The following SAR1B variants were observed in gnomAD, a reference collection of about 807,000 sequenced individuals.
SAR1B encodes secretion associated Ras related GTPase 1B, also known as small COPII coat GTPase SAR1B.
A neutral mutation model predicts 26.8 loss-of-function variants in SAR1B; 23 were observed. The observed-to-expected ratio is 0.86, with a 90% CI of 0.62 to 1.22. SAR1B has a LOEUF of 1.22. Among genes scored for constraint, SAR1B ranks in the 50% most tolerant of loss-of-function variants. SAR1B has a pLI of 0.00. For synonymous variants in SAR1B, 65 were observed against 80.8 expected, an observed-to-expected ratio of 0.80 and a Z score of 1.05; for missense variants, 196 against 232.8, an observed-to-expected ratio of 0.84 and a Z score of 1.03.
chr5:134,608,643 T>A, intron 5 of SAR1B, 140 bp from the exon 6 acceptor site: 3 of 919,864 alleles, frequency 3.3e-6, no homozygotes, highest in Non-Finnish European at 5.0e-6. Flanking sequence ...TTTCCCCACA[T>A]TTTAAAGTGA....
At chr5:134,625,449 G>A (rs530546441) in intron 1 of SAR1B, among the ~76,000 whole-genome samples, 1 of 152,294 alleles carries the variant, frequency 6.6e-6, no homozygotes, top group African/African-American at 2.4e-5. Flanking sequence ...TTCAAGTTGA[G>A]TGGACAAAGG....
intron 1 of SAR1B, among the ~76,000 whole-genome samples, chr5:134,629,632 G>A (rs1765563143): frequency 1.3e-5 from 2 of 152,190 alleles, no homozygotes; most frequent in Middle Eastern, 3.4e-3. Context: ...GGGAGGCAGA[G>A]GTTGCAGTGA....
intron 2 of SAR1B, among the ~76,000 whole-genome samples, 197 bp downstream of exon 2, chr5:134,623,765 A>G (rs1427234399): frequency 6.6e-6 from 1 of 152,216 alleles, no homozygotes; most frequent in Admixed American, 6.6e-5. Flanking sequence ...GCTAAGGTGA[A>G]AAAAGTAATT....
In SAR1B at chr5:134,624,006, A is replaced by G; in HGVS notation, c.14T>C (p.Phe5Ser). Residue 5 changes from phenylalanine to serine, a missense_variant, in exon 2 of 7, where the codon TTT becomes TCT. Transcript: ENST00000402673. MSFIFDWIYSGFSSV... is the reference protein window; with the variant it reads MSFISDWIYSGFSSV... ...GCTGAAACCACTGTAAATCCAATCA[A>G]ATATGAAGGACATATCCAAATCTGA... 6.2e-7 allele frequency: 1 copy of G among 1,611,132 alleles called. No homozygotes were observed. The highest frequency in any genetic ancestry group is 8.5e-7 in the Non-Finnish European group (1 of 1,177,274).
intron 3 of SAR1B, chr5:134,613,395 C>T (rs1026914072): frequency 4.6e-5 from 7 of 152,204 alleles, no homozygotes; most frequent in African/African-American, 1.7e-4. Flanking sequence ...GCATTTCTAA[C>T]AATAGCTTAT....
At position 134,628,328 on chromosome 5, in the gene SAR1B, T is replaced by TAA. The variant is rs61707884; in HGVS notation, c.-18-4293_-18-4292dup. 3.0e-3 allele frequency among the ~76,000 whole-genome samples: 422 copies of TAA among 140,094 alleles called. 15 individuals carry two copies. In the East Asian group the frequency reaches 0.072, roughly 24 times the overall value. 91.9% of individuals were successfully genotyped at this position (140,094 alleles called of 152,430 possible). A position where few individuals can be genotyped will look rare whatever the true frequency, so the allele number is the denominator to read the frequency against. ...TACACATTAGTTCTCAGGGGTCCTG[T>TAA]AAAAAAAAAAAATACACATAAGATG... On this transcript the variant is annotated intron_variant, in intron 1 of 6. Coordinates refer to ENST00000402673, the MANE Select transcript of SAR1B (RefSeq NM_016103.4).
At chr5:134,612,516 A>ATGCC (rs1277943529) in intron 4 of SAR1B, among the ~76,000 whole-genome samples, 175 bp downstream of exon 4, 2 of 151,792 alleles carry the variant, frequency 1.3e-5, no homozygotes, top group African/African-American at 4.8e-5. Context: ...GCGGTGGCAC[A>ATGCC]TGCCTGTAAT....
In SAR1B at chr5:134,609,483, G is replaced by A; in HGVS notation, c.348+88C>T. On this transcript the variant is annotated intron_variant, in intron 5 of 6. Coordinates refer to ENST00000402673, the MANE Select transcript of SAR1B (RefSeq NM_016103.4). ...GAGTTTCATCAGAGACTGCAGAAAA[G>A]CTGCACTCTGATACCTGTATCTCTG... 4 of 1,023,480 alleles carry A rather than the reference G, an allele frequency of 3.9e-6. No homozygotes were observed. The South Asian group carries it at 3.9e-5, about 10-fold the overall frequency. 63.4% of individuals were successfully genotyped at this position (1,023,480 alleles called of 1,614,324 possible).
intron 3 of SAR1B, among the ~76,000 whole-genome samples, chr5:134,619,235 G>A (rs1405059481): frequency 1.3e-5 from 2 of 151,190 alleles, no homozygotes; most frequent in Non-Finnish European, 2.9e-5. Flanking sequence ...GGAGGCTGAG[G>A]CAGGAGAATT....
intron 1 of SAR1B, chr5:134,625,820 C>T (rs928685811): frequency 7.9e-5 from 12 of 152,008 alleles, no homozygotes; most frequent in Non-Finnish European, 1.8e-4. Flanking sequence ...AATCAAGTGG[C>T]AAAGTCCTCA....
At position 134,602,042 on chromosome 5, in the gene SAR1B, T is replaced by TCAAA. The variant is rs1330538487; in HGVS notation, c.*4904_*4907dup. ...CTGGGTGACAAAGCAAGACTCCATC[T>TCAAA]CAAACAAACAAACAAAAAAGTATGC... On this transcript the variant is annotated 3_prime_UTR_variant, in exon 7 of 7. Transcript: ENST00000402673. 1 of 152,252 alleles carries TCAAA rather than the reference T, an allele frequency of 6.6e-6. No individual in the cohort carries two copies. Among genetic ancestry groups the TCAAA allele is most frequent in the Non-Finnish European group, 1.5e-5 (1 of 68,062 alleles). 9.4% of individuals were successfully genotyped at this position (152,252 alleles called of 1,614,324 possible).
intron 1 of SAR1B, among the ~76,000 whole-genome samples, chr5:134,627,107 A>G (rs1765505765): frequency 6.6e-6 from 1 of 151,896 alleles, no homozygotes; most frequent in African/African-American, 2.4e-5. Context: ...GATGGAGTGC[A>G]CTGGCGCGAT....
chr5:134,601,456 C>A lies in SAR1B; in HGVS notation c.*5494G>T, dbSNP rs1347664788. On this transcript the variant is annotated 3_prime_UTR_variant, in exon 7 of 7. Transcript: ENST00000402673. ...ACAACTTACCATCAATATACCACTT[C>A]AACATACTTTACATTCAGCCAAATA... 1 of 152,158 alleles carries A rather than the reference C, an allele frequency of 6.6e-6. No homozygotes were observed. Among genetic ancestry groups the A allele is most frequent in the East Asian group, 1.9e-4 (1 of 5,200 alleles). 9.4% of individuals were successfully genotyped at this position (152,158 alleles called of 1,614,324 possible).
intron 1 of SAR1B, among the ~76,000 whole-genome samples, chr5:134,631,110 G>T (rs1765598265): frequency 6.6e-6 from 1 of 150,476 alleles, no homozygotes; most frequent in African/African-American, 2.4e-5. Context: ...TTGCTATGTT[G>T]CCCAGGCTGA....
At position 134,603,693 on chromosome 5, in the gene SAR1B, G is replaced by C. The variant is rs916925707; in HGVS notation, c.*3257C>G. The stretch of plus-strand genomic sequence containing the variant: ...GCGCGCCTGTAGTCCCAGCTACTCA[G>C]GAGGCTGAGGCAGGAGAATCACTTG... On this transcript the variant is annotated 3_prime_UTR_variant, in exon 7 of 7. Coordinates refer to ENST00000402673, the MANE Select transcript of SAR1B (RefSeq NM_016103.4). The C allele has an allele frequency of 6.6e-6, 1 of 152,254 alleles. No homozygotes were observed. The highest frequency in any genetic ancestry group is 2.4e-5 in the African/African-American group (1 of 41,436). 9.4% of individuals were successfully genotyped at this position (152,254 alleles called of 1,614,324 possible).
In SAR1B at chr5:134,603,858, T is replaced by C. The variant is rs1302634859; in HGVS notation, c.*3092A>G. 6.6e-6 allele frequency: 1 copy of C among 152,018 alleles called. No individual in the cohort carries two copies. Among genetic ancestry groups the C allele is most frequent in the Non-Finnish European group, 1.5e-5 (1 of 67,988 alleles). The allele number at this position is 152,018 out of a possible 1,614,324, so 9.4% of individuals were successfully genotyped here. On this transcript the variant is annotated 3_prime_UTR_variant, in exon 7 of 7. Coordinates refer to ENST00000402673, the MANE Select transcript of SAR1B (RefSeq NM_016103.4). ...AACAAAAGATGAGCCGGTTGAAAAC[T>C]AAGAAAGAAACAACGTTCTGCTTTT...
chr5:134,629,112 C>CT (rs150816077), intron 1 of SAR1B, among the ~76,000 whole-genome samples: 1 of 145,250 alleles, frequency 6.9e-6, no homozygotes, highest in Admixed American at 7.0e-5. Context: ...GAGACCCTGT[C>CT]TTTAAAAAAA....
chr5:134,608,049 C>A (rs1391290605), intron 6 of SAR1B, among the ~76,000 whole-genome samples: 1 of 152,168 alleles, frequency 6.6e-6, no homozygotes, highest in Non-Finnish European at 1.5e-5. Context: ...CCTAAACACA[C>A]TACTGGTATA....
chr5:134,615,125 G>A (rs1264424120), intron 3 of SAR1B, among the ~76,000 whole-genome samples: 6 of 151,952 alleles, frequency 3.9e-5, no homozygotes, highest in Non-Finnish European at 7.4e-5. Flanking sequence ...GAGATGGGCA[G>A]ATCACGAGGT....
Sources: gnomAD v4.1 joint callset for allele counts (sites outside exome capture counted in the v4.1 genomes callset) on GRCh38, gnomAD v4.1.1 for gene constraint, MANE v1.5 for transcripts, NCBI Gene and HGNC (gene_info 2026-07-23, HGNC 2026-07-21) for gene names.